The following SETD4 variants were observed in gnomAD, a reference collection of about 807,000 sequenced individuals.
SETD4 encodes SET domain-containing protein 4.
SETD4 carries 46 observed loss-of-function variants against 58.3 expected under a neutral mutation model. That is an observed-to-expected ratio of 0.79 (90% CI 0.62 to 1.01). The LOEUF is 1.01. Ranked by LOEUF, SETD4 falls within the 50% of genes least tolerant of loss-of-function variation. The pLI is 0.00. For synonymous variants in SETD4, 190 were observed against 202.6 expected, an observed-to-expected ratio of 0.94 and a Z score of 0.53; for missense variants, 490 against 523.3, an observed-to-expected ratio of 0.94 and a Z score of 0.62.
chr21:36,042,917 C>T (rs571117502), intron 7 of SETD4: 52 of 152,182 alleles, frequency 3.4e-4, no homozygotes, highest in African/African-American at 1.2e-3. Context: ...GCCTGGGCAA[C>T]ATAACAAGAC....
Position 36,045,944 on chromosome 21 carries a change from G to A in SETD4, c.364C>T (p.His122Tyr), listed in dbSNP as rs995429749. The A allele has an allele frequency of 6.2e-6, 10 of 1,614,070 alleles. No individual in the cohort carries two copies. The Admixed American group carries it at 1.3e-4, about 22-fold the overall frequency. ...TFLVSEKHAG[H>Y]RSLWKPYLEI... is the part of the protein sequence containing the mutation. ...AGGTAAGGCTTCCAAAGAGATCGGTGCCCAGCATGCTTTTCTGAAACTAAA... is the reference window on the plus strand; with the variant it reads ...AGGTAAGGCTTCCAAAGAGATCGGTACCCAGCATGCTTTTCTGAAACTAAA... Residue 122 changes from histidine to tyrosine, a missense_variant, in exon 6 of 12, where the codon CAC becomes TAC. His to Tyr is a moderately conservative substitution (Grantham distance 83, BLOSUM62 2). Transcript: ENST00000332131.
chr21:36,056,093 T>G lies in SETD4; in HGVS notation c.169+1016A>C, dbSNP rs77809688. On this transcript the variant is annotated intron_variant, in intron 3 of 11. Coordinates refer to ENST00000332131, the MANE Select transcript of SETD4 (RefSeq NM_017438.5). ...CATGACCATCAACTAGAAGGGGCCT[T>G]AATAGAAAATGGCTCAAATCAAGCA... Among the ~76,000 whole-genome samples the G allele has an allele frequency of 1.8e-3, 268 of 152,294 alleles. 9 individuals carry two copies. The East Asian group carries it at 0.045, about 26-fold the overall frequency.
chr21:36,040,877 C>T (rs143561206), intron 8 of SETD4, among the ~76,000 whole-genome samples: 56 of 152,068 alleles, frequency 3.7e-4, no homozygotes, highest in African/African-American at 1.2e-3. Flanking sequence ...GAGTAAACAG[C>T]TGGCCGGGCG....
rs181970132 is a variant in SETD4 at position 36,053,287 on chromosome 21, G to A, written c.207+296C>T. ...TAAGGACATGAGAGAGCTGGAAGGA[G>A]TTGGGGCCTCTGCCAGCCATGGGAC... On this transcript the variant is annotated intron_variant, in intron 4 of 11. Transcript: ENST00000332131. 3.9e-4 allele frequency: 188 copies of A among 476,500 alleles called. 1 individual carries two copies. The highest frequency in any genetic ancestry group is 3.9e-5 in the East Asian group (1 of 25,642). 29.5% of individuals were successfully genotyped at this position (476,500 alleles called of 1,614,324 possible).
At chr21:36,050,766 A>C in intron 4 of SETD4, 1 of 1,612,434 alleles carries the variant, frequency 6.2e-7, no homozygotes, top group Non-Finnish European at 8.5e-7. Context: ...AAGCCATCTT[A>C]TTTGCCATGA....
At position 36,045,694 on chromosome 21, in the gene SETD4, T is replaced by C. The variant is rs200958203; in HGVS notation, c.614A>G (p.Asn205Ser). 5.5e-5 allele frequency: 88 copies of C among 1,614,174 alleles called. 1 individual carries two copies. The highest frequency in any genetic ancestry group is 8.5e-6 in the Non-Finnish European group (10 of 1,180,028). Reference sequence around the variant, plus strand: ...GGGCCTCAGGTACACGGCTCTGGTGTTGACGGTGCACCAAGCCCACAGCAG... The same window carrying C: ...GGGCCTCAGGTACACGGCTCTGGTGCTGACGGTGCACCAAGCCCACAGCAG... ...SALLWAWCTVNTRAVYLRPRQ... is the reference protein window; with the variant it reads ...SALLWAWCTVSTRAVYLRPRQ... The change falls in exon 6 of 12, where the codon AAC becomes AGC. Residue 205 changes from asparagine (N) to serine (S), a missense_variant. Transcript: ENST00000332131.
At chr21:36,052,274 T>C (rs1034283348) in intron 4 of SETD4, among the ~76,000 whole-genome samples, 1 of 151,678 alleles carries the variant, frequency 6.6e-6, no homozygotes, top group African/African-American at 2.4e-5. Context: ...GGGCCAGGCA[T>C]AGTGCCTCAT....
rs115608732 is a variant in SETD4, at chr21:36,054,988, G to A, written c.170-1368C>T. On this transcript the variant is annotated intron_variant, in intron 3 of 11. Coordinates refer to ENST00000332131, the MANE Select transcript of SETD4 (RefSeq NM_017438.5). ...AGTTTCCCAGCAAGTTGGATTTGAT[G>A]AGTCCCAATTCATCTCCCCTCCCAG... is the stretch of plus-strand genomic sequence containing the variant. 3.1e-3 allele frequency among the ~76,000 whole-genome samples: 477 copies of A among 152,324 alleles called. 3 individuals carry two copies. The highest frequency in any genetic ancestry group is 0.011 in the African/African-American group (458 of 41,576).
Position 36,052,417 on chromosome 21 carries a change from C to T in SETD4, c.207+1166G>A, listed in dbSNP as rs1207561670. Among the ~76,000 whole-genome samples the T allele has an allele frequency of 7.4e-5, 11 of 149,286 alleles. No individual in the cohort carries two copies. The East Asian group carries it at 1.6e-3, about 21-fold the overall frequency. ...AAAAAAAAAAAAAAAATTAGCTGGGCATGGTGGCACATGCCTGTAATTTCA... is the reference window on the plus strand; with the variant it reads ...AAAAAAAAAAAAAAAATTAGCTGGGTATGGTGGCACATGCCTGTAATTTCA... On this transcript the variant is annotated intron_variant, in intron 4 of 11. Transcript: ENST00000332131.
Position 36,048,391 on chromosome 21 carries a change from T to C in SETD4, c.213A>G (p.Gly71=). The C allele has an allele frequency of 1.2e-6, 2 of 1,613,984 alleles. No individual in the cohort carries two copies. The highest frequency in any genetic ancestry group is 1.3e-5 in the African/African-American group (1 of 74,992). ...TCTCAGGCAACGAAATAATCATCTG[T>C]CCCTCCTGGCCAAAAGGAAAGTAAA... ...GLMSQTSLQE[G]QMIISLPESC... Residue 71 remains glycine (G), a synonymous_variant, in exon 5 of 12, where the codon GGA becomes GGG. Coordinates refer to ENST00000332131, the MANE Select transcript of SETD4 (RefSeq NM_017438.5).
chr21:36,056,176 A>G (rs560266645), intron 3 of SETD4, among the ~76,000 whole-genome samples: 1 of 152,300 alleles, frequency 6.6e-6, no homozygotes, highest in East Asian at 1.9e-4. Context: ...TACACACATC[A>G]CCTCACTCAG....
chr21:36,046,022 T>G lies in SETD4; in HGVS notation c.297-11A>C. 1 of 1,602,330 alleles carries G rather than the reference T, an allele frequency of 6.2e-7. No homozygotes were observed. The highest frequency in any genetic ancestry group is 8.5e-7 in the Non-Finnish European group (1 of 1,175,988). On this transcript the variant is annotated splice_polypyrimidine_tract_variant and intron_variant, in intron 5 of 11. Coordinates refer to ENST00000332131, the MANE Select transcript of SETD4 (RefSeq NM_017438.5). ...GGAGGAGGCTTCCACCTTTGAAAAT[T>G]AAAAGCCAGTTTAAAGGAATTACTT...
intron 5 of SETD4, among the ~76,000 whole-genome samples, chr21:36,048,040 G>A (rs1230743943): frequency 2.7e-4 from 32 of 120,678 alleles, no homozygotes; most frequent in African/African-American, 8.9e-4. Flanking sequence ...GAGAGACAAG[G>A]AAGGAAGGAA....
At position 36,045,897 on chromosome 21, in the gene SETD4, A is replaced by G. The variant is rs2083470288; in HGVS notation, c.411T>C (p.Tyr137=). 1.9e-6 allele frequency: 3 copies of G among 1,614,118 alleles called. No individual in the cohort carries two copies. In the South Asian group the frequency reaches 3.3e-5, roughly 18 times the overall value. The change falls in exon 6 of 12, where the codon TAT becomes TAC. Residue 137 remains tyrosine (Y), a synonymous_variant. Transcript: ENST00000332131. ...KPYLEILPKA[Y]TCPVCLEPEV... ...CCGGCTCCAAACAAACAGGGCAGGTATACGCCTTGGGTAAAATCTCCAGGT... is the reference window on the plus strand; with the variant it reads ...CCGGCTCCAAACAAACAGGGCAGGTGTACGCCTTGGGTAAAATCTCCAGGT...
At position 36,035,972 on chromosome 21, in the gene SETD4, G is replaced by A; in HGVS notation, c.*33-12C>T. On this transcript the variant is annotated splice_polypyrimidine_tract_variant and intron_variant, in intron 11 of 11. Transcript: ENST00000332131. ...ATTAACTTTTGTTTCTGTAGGAAAA[G>A]CAAAAGGAAAAGGATTAAGTTCCTA... The A allele has an allele frequency of 2.6e-6, 3 of 1,135,138 alleles. No homozygotes were observed. The highest frequency in any genetic ancestry group is 2.4e-5 in the East Asian group (1 of 41,414). 70.3% of individuals were successfully genotyped at this position (1,135,138 alleles called of 1,614,324 possible).
In SETD4 at chr21:36,041,861, G is replaced by A. The variant is rs137903341; in HGVS notation, c.929C>T (p.Thr310Ile). 1.2e-4 allele frequency: 181 copies of A among 1,468,262 alleles called. No individual in the cohort carries two copies. The highest frequency in any genetic ancestry group is 1.6e-4 in the Non-Finnish European group (169 of 1,080,026). 91.0% of individuals were successfully genotyped at this position (1,468,262 alleles called of 1,614,324 possible). Residue 310 changes from threonine (T) to isoleucine (I), a missense_variant, in exon 8 of 12, where the codon ACA becomes ATA. Coordinates refer to ENST00000332131, the MANE Select transcript of SETD4 (RefSeq NM_017438.5). ...REILVKYLPS[T>I]DKQMDKKISI... ...AATCTTTTTGTCCATCTGTTTATCTGTTGATGGAAGATATTTAACAAGTAT... is the reference window on the plus strand; with the variant it reads ...AATCTTTTTGTCCATCTGTTTATCTATTGATGGAAGATATTTAACAAGTAT...
chr21:36,047,724 C>T (rs919205199), intron 5 of SETD4, among the ~76,000 whole-genome samples: 12 of 151,422 alleles, frequency 7.9e-5, no homozygotes, highest in African/African-American at 2.9e-4. Flanking sequence ...GGCACGGTGG[C>T]TCACACCTGT....
rs768227880 is a variant in SETD4, at chr21:36,053,637, A to G, written c.170-17T>C. On this transcript the variant is annotated splice_polypyrimidine_tract_variant and intron_variant, in intron 3 of 11. Coordinates refer to ENST00000332131, the MANE Select transcript of SETD4 (RefSeq NM_017438.5). ...TTCCTGTACCTAGGAAAGCAAAGAC[A>G]GAAAGAGAGTAAATCCTACCATAAC... 1 of 1,613,664 alleles carries G rather than the reference A, an allele frequency of 6.2e-7. No individual in the cohort carries two copies. Among genetic ancestry groups the G allele is most frequent in the South Asian group, 1.1e-5 (1 of 91,066 alleles).
chr21:36,048,823 T>G (rs924900887), intron 4 of SETD4, among the ~76,000 whole-genome samples: 1 of 151,590 alleles, frequency 6.6e-6, no homozygotes, highest in Non-Finnish European at 1.5e-5. Flanking sequence ...GTTCAAGCGA[T>G]TCTCCTGCCT....
Sources: allele counts gnomAD v4.1 joint callset (sites outside exome capture counted in the v4.1 genomes callset), GRCh38; gene constraint gnomAD v4.1.1; transcripts MANE v1.5; gene names NCBI Gene and HGNC (gene_info 2026-07-23, HGNC 2026-07-21).